Variants in ANKS1B observed in about 807,000 individuals in gnomAD.
ANKS1B encodes the protein ankyrin repeat and sterile alpha motif domain-containing protein 1B.
ANKS1B carries 36 observed loss-of-function variants against 148.3 expected under a neutral mutation model. That is an observed-to-expected ratio of 0.24 (90% confidence interval 0.19 to 0.32). The LOEUF is 0.32. Among genes scored for constraint, ANKS1B ranks in the 10% least tolerant of loss-of-function variants. The probability of loss-of-function intolerance (pLI) is 1.00; values close to 1 mark genes in which losing one functional copy is unlikely to be tolerated. For missense variants in ANKS1B, 1,157 were observed against 1,542.6 expected (o/e 0.75, Z 4.19); for synonymous variants, 542 against 560.8 (o/e 0.97, Z 0.47).
chr12:99,143,441 C>G (rs555618247), intron 15 of ANKS1B, among the ~76,000 whole-genome samples: 1 of 152,208 alleles, frequency 6.6e-6, no homozygotes, highest in East Asian at 1.9e-4. Flanking sequence ...CCTAGGTTGT[C>G]TGAAATGAAG....
intron 1 of ANKS1B, among the ~76,000 whole-genome samples, chr12:99,882,330 G>A (rs1316992094): frequency 6.6e-6 from 1 of 152,096 alleles, no homozygotes; most frequent in Non-Finnish European, 1.5e-5. Flanking sequence ...AGAGAAGAGA[G>A]AGTATAGTAC....
At chr12:99,225,567 C>T (rs1007919465) in intron 14 of ANKS1B, among the ~76,000 whole-genome samples, 2 of 152,038 alleles carry the variant, frequency 1.3e-5, no homozygotes, top group African/African-American at 4.8e-5. Flanking sequence ...TGGGTGGGCA[C>T]GATCTAATCA....
intron 17 of ANKS1B, chr12:98,895,167 G>A: frequency 1.0e-6 from 1 of 985,032 alleles, no homozygotes; most frequent in African/African-American, 1.7e-5. Context: ...GAGCGATGCG[G>A]GCCCAGGCGC....
chr12:98,855,938 G>C (rs1188863694), intron 17 of ANKS1B, among the ~76,000 whole-genome samples: 2 of 152,208 alleles, frequency 1.3e-5, no homozygotes, highest in South Asian at 2.1e-4. Context: ...CAAACAGGTT[G>C]ATGCGCTGTC....
intron 9 of ANKS1B, among the ~76,000 whole-genome samples, chr12:99,591,307 T>C (rs980486026): frequency 1.3e-5 from 2 of 152,140 alleles, no homozygotes; most frequent in South Asian, 2.1e-4. Flanking sequence ...TTATTTATTA[T>C]CCTAAAATCT....
At chr12:99,324,647 G>A (rs2085961800) in intron 12 of ANKS1B, among the ~76,000 whole-genome samples, 1 of 152,090 alleles carries the variant, frequency 6.6e-6, no homozygotes, top group Non-Finnish European at 1.5e-5. Context: ...CAATGCAGAA[G>A]TCAAATTTCA....
At chr12:99,835,696 T>C (rs2084737791) in intron 1 of ANKS1B, among the ~76,000 whole-genome samples, 1 of 152,208 alleles carries the variant, frequency 6.6e-6, no homozygotes, top group Admixed American at 6.5e-5. Flanking sequence ...AATATCCTGA[T>C]GTGGACAGTG....
At chr12:99,413,452 T>C (rs2094786938) in intron 11 of ANKS1B, among the ~76,000 whole-genome samples, 2 of 152,218 alleles carry the variant, frequency 1.3e-5, no homozygotes, top group Admixed American at 6.5e-5. Flanking sequence ...CTCATCTTTA[T>C]ATCAACGCAC....
At chr12:99,160,132 T>C (rs549440673) in intron 14 of ANKS1B, among the ~76,000 whole-genome samples, 47 of 152,234 alleles carry the variant, frequency 3.1e-4, no homozygotes, top group Non-Finnish European at 6.0e-4. Context: ...TAGATGTTTG[T>C]TGGAAGCATA....
At chr12:98,989,966 A>G (rs539985982) in intron 17 of ANKS1B, among the ~76,000 whole-genome samples, 7 of 152,164 alleles carry the variant, frequency 4.6e-5, no homozygotes, top group African/African-American at 1.7e-4. Flanking sequence ...AAGAAAATAA[A>G]AAAAAGAAAG....
intron 1 of ANKS1B, among the ~76,000 whole-genome samples, chr12:99,909,162 T>A (rs758919347): frequency 3.9e-5 from 6 of 152,074 alleles, no homozygotes; most frequent in Admixed American, 6.6e-5. Context: ...TCCAGGTTTA[T>A]CCATGTTCTC....
intron 9 of ANKS1B, among the ~76,000 whole-genome samples, chr12:99,579,893 T>C (rs561963462): frequency 1.3e-5 from 2 of 152,232 alleles, no homozygotes; most frequent in South Asian, 2.1e-4. Flanking sequence ...AAAAAAAATG[T>C]ACACTCATAT....
At chr12:98,880,679 A>G (rs1269975595) in intron 17 of ANKS1B, among the ~76,000 whole-genome samples, 2 of 152,170 alleles carry the variant, frequency 1.3e-5, no homozygotes, top group East Asian at 1.9e-4. Context: ...GAGGCAGGAG[A>G]ATGGCGTGAA....
At chr12:99,317,505 A>T (rs866820460) in intron 12 of ANKS1B, among the ~76,000 whole-genome samples, 24 of 152,158 alleles carry the variant, frequency 1.6e-4, no homozygotes, top group African/African-American at 5.8e-4. Context: ...ATTTTTGCAC[A>T]TTGATTTTGT....
intron 10 of ANKS1B, among the ~76,000 whole-genome samples, chr12:99,468,531 A>T (rs1381364013): frequency 2.0e-5 from 3 of 152,198 alleles, no homozygotes; most frequent in African/African-American, 7.2e-5. Context: ...AATTTTCGCA[A>T]CCTACTCGTC....
At chr12:99,030,301 T>C (rs75892106) in intron 17 of ANKS1B, among the ~76,000 whole-genome samples, 3,964 of 152,222 alleles carry the variant, frequency 0.026, 158 homozygotes, top group African/African-American at 0.09. Flanking sequence ...GTTATGACCA[T>C]GGTGATGGTG....
intron 12 of ANKS1B, among the ~76,000 whole-genome samples, chr12:99,287,373 T>C (rs751292698): frequency 2.6e-5 from 4 of 152,150 alleles, no homozygotes; most frequent in Admixed American, 6.5e-5. Flanking sequence ...ATGCAGATAT[T>C]GCAACAGTGA....
At chr12:98,855,069 G>A (rs978489338) in intron 17 of ANKS1B, among the ~76,000 whole-genome samples, 4 of 151,118 alleles carry the variant, frequency 2.6e-5, no homozygotes, top group Admixed American at 2.0e-4. Context: ...TGAGGCAGGA[G>A]AATGGCGTGA....
chr12:99,268,912 C>T (rs2172281), intron 12 of ANKS1B, among the ~76,000 whole-genome samples: 48,619 of 152,006 alleles, frequency 0.32, 9,306 homozygotes, highest in African/African-American at 0.54. Context: ...AGTTCTGTCT[C>T]TGGAATAAAA....
Sources: allele counts gnomAD v4.1 joint callset (sites outside exome capture counted in the v4.1 genomes callset), GRCh38; gene constraint gnomAD v4.1.1; transcripts MANE v1.5; gene names NCBI Gene and HGNC (gene_info 2026-07-23, HGNC 2026-07-21).